The following FBXL17 variants were observed in gnomAD, a reference collection of about 807,000 sequenced individuals.
FBXL17 encodes the protein F-box/LRR-repeat protein 17.
A neutral mutation model predicts 66.2 loss-of-function variants in FBXL17; 22 were observed. The observed-to-expected ratio is 0.33, with a 90% CI of 0.24 to 0.47. The LOEUF (loss-of-function observed/expected upper bound fraction) is 0.47, where lower values mean the gene tolerates loss of function less well. FBXL17 is among the 20% of genes least tolerant of loss of function. The pLI, the probability that FBXL17 is intolerant of heterozygous loss-of-function variation, is 1.00. For synonymous variants in FBXL17, 474 were observed against 400.5 expected, an observed-to-expected ratio of 1.18 and a Z score of -2.19; for missense variants, 878 against 948.2, an observed-to-expected ratio of 0.93 and a Z score of 0.97.
chr5:107,980,664 A>ATATTTTTTTTTTTTTTTTT, intron 7 of FBXL17, among the ~76,000 whole-genome samples: 1 of 62,106 alleles, frequency 1.6e-5, no homozygotes, highest in African/African-American at 1.0e-4. Flanking sequence ...ATATATATAT[A>ATATTTTTTTTTTTTTTTTT]TTTTTTTTTT....
intron 2 of FBXL17, among the ~76,000 whole-genome samples, chr5:108,365,487 A>G (rs7717747): frequency 0.51 from 77,136 of 151,884 alleles, 19,726 homozygotes; most frequent in African/African-American, 0.57. Context: ...AGTGCTGAGA[A>G]GGTGGTATAT....
At chr5:108,331,052 C>CA (rs1033477810) in intron 4 of FBXL17, among the ~76,000 whole-genome samples, 14 of 149,978 alleles carry the variant, frequency 9.3e-5, no homozygotes, top group East Asian at 5.8e-4. Context: ...GACTCCATCT[C>CA]AAAAAAAAAT....
At chr5:108,271,589 AC>A (rs1757268409) in intron 4 of FBXL17, among the ~76,000 whole-genome samples, 1 of 152,242 alleles carries the variant, frequency 6.6e-6, no homozygotes, top group African/African-American at 2.4e-5. Flanking sequence ...TTGAGAACAT[AC>A]TGGTGGATTA....
At chr5:107,872,690 A>AC (rs762194560) in intron 8 of FBXL17, among the ~76,000 whole-genome samples, 35 of 152,348 alleles carry the variant, frequency 2.3e-4, no homozygotes, top group Non-Finnish European at 4.3e-4. Context: ...AAGGAAAGAG[A>AC]CGAAGGTAGG....
At chr5:108,003,018 T>G (rs571185982) in intron 7 of FBXL17, among the ~76,000 whole-genome samples, 3 of 152,334 alleles carry the variant, frequency 2.0e-5, no homozygotes, top group Admixed American at 1.3e-4. Flanking sequence ...ATAATTGAAA[T>G]GTACACTTAA....
chr5:108,342,342 C>G (rs892585892), intron 4 of FBXL17, among the ~76,000 whole-genome samples: 2 of 152,154 alleles, frequency 1.3e-5, no homozygotes, highest in Non-Finnish European at 1.5e-5. Flanking sequence ...AAGATTAACA[C>G]TAAATACTAG....
At chr5:107,962,749 T>G (rs903363607) in intron 7 of FBXL17, among the ~76,000 whole-genome samples, 3 of 152,196 alleles carry the variant, frequency 2.0e-5, no homozygotes, top group Admixed American at 2.0e-4. Flanking sequence ...CTAATTTTTT[T>G]TCATAAATTA....
At chr5:108,063,400 A>G (rs1003840439) in intron 6 of FBXL17, among the ~76,000 whole-genome samples, 3 of 152,238 alleles carry the variant, frequency 2.0e-5, no homozygotes, top group African/African-American at 7.2e-5. Flanking sequence ...TAGTTACAGG[A>G]AAGTCTTGGG....
intron 4 of FBXL17, among the ~76,000 whole-genome samples, chr5:108,235,948 A>T (rs1054644447): frequency 1.4e-4 from 22 of 152,248 alleles, no homozygotes; most frequent in Non-Finnish European, 2.6e-4. Flanking sequence ...TGTGGCACAC[A>T]CAAGTAGTGG....
intron 4 of FBXL17, among the ~76,000 whole-genome samples, chr5:108,232,805 A>ATATATATATATATAT (rs70996987): frequency 5.6e-4 from 59 of 105,052 alleles, no homozygotes; most frequent in Non-Finnish European, 8.9e-4. Flanking sequence ...ATATATATAT[A>ATATATATATATATAT]ATATATACTA....
At chr5:108,048,309 G>A (rs956467203) in intron 6 of FBXL17, among the ~76,000 whole-genome samples, 3 of 152,198 alleles carry the variant, frequency 2.0e-5, no homozygotes, top group African/African-American at 7.2e-5. Context: ...CCAAGGGTCA[G>A]CAGTCTCAAA....
At chr5:108,293,748 T>C (rs1758217777) in intron 4 of FBXL17, among the ~76,000 whole-genome samples, 2 of 152,018 alleles carry the variant, frequency 1.3e-5, no homozygotes, top group Non-Finnish European at 2.9e-5. Flanking sequence ...CACTCAGAAG[T>C]AATGTATTTT....
At chr5:108,210,899 T>C (rs1015554548) in intron 5 of FBXL17, among the ~76,000 whole-genome samples, 4 of 152,192 alleles carry the variant, frequency 2.6e-5, no homozygotes, top group Non-Finnish European at 5.9e-5. Flanking sequence ...CTGTCTAATA[T>C]TGACAGTGGG....
chr5:108,034,876 C>T (rs1746781569), intron 6 of FBXL17, among the ~76,000 whole-genome samples: 1 of 152,072 alleles, frequency 6.6e-6, no homozygotes, highest in Non-Finnish European at 1.5e-5. Flanking sequence ...TTAAAGTAAA[C>T]TTACTATCAA....
intron 4 of FBXL17, among the ~76,000 whole-genome samples, chr5:108,283,505 A>G (rs1320786971): frequency 1.3e-5 from 2 of 151,814 alleles, no homozygotes; most frequent in Non-Finnish European, 3.0e-5. Flanking sequence ...CTGGACCCCA[A>G]TCTCTCACCA....
At chr5:107,870,140 T>G (rs1394183127) in intron 8 of FBXL17, among the ~76,000 whole-genome samples, 5 of 152,092 alleles carry the variant, frequency 3.3e-5, no homozygotes, top group Non-Finnish European at 7.4e-5. Flanking sequence ...GTCCAAAACA[T>G]AGATCAGGTG....
At chr5:107,985,138 T>G (rs765131205) in intron 7 of FBXL17, among the ~76,000 whole-genome samples, 1 of 152,218 alleles carries the variant, frequency 6.6e-6, no homozygotes, top group Non-Finnish European at 1.5e-5. Context: ...GGGAAAATTC[T>G]GCAATCCACT....
At chr5:108,137,676 A>T (rs1329646532) in intron 6 of FBXL17, among the ~76,000 whole-genome samples, 1 of 152,158 alleles carries the variant, frequency 6.6e-6, no homozygotes, top group East Asian at 1.9e-4. Flanking sequence ...AAAGTCATGA[A>T]ATCAATTTGA....
chr5:108,173,095 C>A (rs1752667497), intron 6 of FBXL17, among the ~76,000 whole-genome samples: 1 of 152,116 alleles, frequency 6.6e-6, no homozygotes, highest in Non-Finnish European at 1.5e-5. Context: ...GCCACTGTGC[C>A]CGGCCAACAG....
Sources: gnomAD v4.1 joint callset for allele counts (sites outside exome capture counted in the v4.1 genomes callset) on GRCh38, gnomAD v4.1.1 for gene constraint, MANE v1.5 for transcripts, NCBI Gene and HGNC (gene_info 2026-07-23, HGNC 2026-07-21) for gene names.